The following ANTXRL variants were observed in gnomAD, a reference collection of about 807,000 sequenced individuals.
ANTXRL encodes the protein ANTXR like.
A neutral mutation model predicts 75.4 loss-of-function variants in ANTXRL; 63 were observed. That is an observed-to-expected ratio of 0.84 (90% CI 0.68 to 1.03). The LOEUF is 1.03. Ranked by LOEUF, ANTXRL falls within the 50% of genes least tolerant of loss-of-function variation. The pLI is 0.00. For synonymous variants in ANTXRL, 335 were observed against 291.3 expected (o/e 1.15, Z -1.53); for missense variants, 797 against 789.4 (o/e 1.01, Z -0.12).
chr10:46,310,472 G>GC lies in ANTXRL; in HGVS notation c.1148dup (p.Pro384ThrfsTer68). ...TTTGAACATTCTAGACTGTCAAGGA[G>GC]CCACCACCTGTGCAGAAGCCAGAAA... On this transcript the variant is annotated frameshift_variant, in exon 14 of 17. Transcript: ENST00000620264. LOFTEE classifies it high-confidence loss of function. The GC allele has an allele frequency of 6.5e-7, 1 of 1,536,354 alleles. No individual in the cohort carries two copies. Among genetic ancestry groups the GC allele is most frequent in the South Asian group, 1.2e-5 (1 of 84,042 alleles).
intron 9 of ANTXRL, among the ~76,000 whole-genome samples, chr10:46,302,271 A>G (rs564917191): frequency 2.6e-5 from 4 of 152,272 alleles, no homozygotes; most frequent in African/African-American, 9.6e-5. Context: ...TGAAGGAGGC[A>G]TCCAGGCCTG....
At chr10:46,306,024 C>T (rs1302402552) in intron 10 of ANTXRL, among the ~76,000 whole-genome samples, 1 of 152,104 alleles carries the variant, frequency 6.6e-6, no homozygotes, top group Admixed American at 6.5e-5. Flanking sequence ...AAAACCCCAA[C>T]CCCTTTCCAG....
intron 16 of ANTXRL, among the ~76,000 whole-genome samples, chr10:46,314,731 T>A (rs1416847917): frequency 1.3e-5 from 2 of 151,956 alleles, no homozygotes; most frequent in East Asian, 2.0e-4. Flanking sequence ...TCATGTGAAG[T>A]CCACCTTGCG....
rs190568406 is a variant in ANTXRL at position 46,313,249 on chromosome 10, C to A, written c.1343C>A (p.Thr448Asn). The A allele has an allele frequency of 5.2e-6, 8 of 1,535,324 alleles. No homozygotes were observed. The highest frequency in any genetic ancestry group is 4.4e-6 in the Non-Finnish European group (5 of 1,146,326). Residue 448 changes from threonine (T) to asparagine (N), a missense_variant, in exon 16 of 17, where the codon ACC (threonine) becomes AAC (asparagine). Physicochemically the swap from Thr to Asn is moderately conservative, Grantham distance 65 (BLOSUM62 0). Coordinates refer to ENST00000620264, the MANE Select transcript of ANTXRL (RefSeq NM_001278688.3). ...GMRRIEGNLD[T>N]FCDLSHASCH... ...GTTGCTTTTCAGGGCAATCTGGATA[C>A]CTTTTGTGACCTCTCTCACGCAAGC...
intron 11 of ANTXRL, 73 bp from the exon 12 acceptor site, chr10:46,307,329 A>G (rs1838154724): frequency 9.4e-7 from 1 of 1,064,646 alleles, no homozygotes; most frequent in East Asian, 2.6e-5. Context: ...ACCTCTCATT[A>G]CCCATGCTGT....
At chr10:46,314,851 G>A (rs1838635745) in intron 16 of ANTXRL, among the ~76,000 whole-genome samples, 4 of 152,094 alleles carry the variant, frequency 2.6e-5, no homozygotes, top group Admixed American at 2.0e-4. Context: ...CTGCCTCCAG[G>A]CTATCAGAAA....
intron 16 of ANTXRL, among the ~76,000 whole-genome samples, chr10:46,314,333 G>T (rs1479087038): frequency 1.3e-5 from 2 of 152,136 alleles, no homozygotes; most frequent in African/African-American, 4.8e-5. Flanking sequence ...AGCCATGCTT[G>T]CACAGAAGCC....
intron 2 of ANTXRL, among the ~76,000 whole-genome samples, chr10:46,293,423 T>C (rs1353630595): frequency 6.7e-6 from 1 of 149,508 alleles, no homozygotes; most frequent in Non-Finnish European, 1.5e-5. Flanking sequence ...TGTGTGGGTG[T>C]GTGCGTGTAT....
intron 9 of ANTXRL, among the ~76,000 whole-genome samples, chr10:46,301,455 G>A (rs1465700722): frequency 3.9e-5 from 6 of 152,196 alleles, no homozygotes; most frequent in African/African-American, 1.4e-4. Flanking sequence ...GACTACGAGA[G>A]CCAGGCTGGC....
At chr10:46,310,720 C>T (rs1196128799) in intron 14 of ANTXRL, among the ~76,000 whole-genome samples, 6 of 152,062 alleles carry the variant, frequency 3.9e-5, no homozygotes, top group African/African-American at 1.2e-4. Context: ...GTCACCAGTT[C>T]GCAGCCTGGG....
At position 46,287,159 on chromosome 10, in the gene ANTXRL, C is replaced by G; in HGVS notation, c.-104C>G. 7.0e-7 allele frequency: 1 copy of G among 1,422,562 alleles called. No individual in the cohort carries two copies. The allele number at this position is 1,422,562 out of a possible 1,614,324, so 88.1% of individuals were successfully genotyped here. On this transcript the variant is annotated 5_prime_UTR_variant, in exon 1 of 17. Coordinates refer to ENST00000620264, the MANE Select transcript of ANTXRL (RefSeq NM_001278688.3). ...GAAAGGGCAGGAGGAGGGGTGTGGC[C>G]CCGGGCATAAGGGGAGGCGGCAAAG...
chr10:46,299,409 C>T (rs182546491), intron 9 of ANTXRL, among the ~76,000 whole-genome samples: 14 of 152,272 alleles, frequency 9.2e-5, no homozygotes, highest in Admixed American at 7.8e-4. Context: ...TGGGTTGTGA[C>T]AGTCCTGTGT....
chr10:46,297,774 G>T (rs1837471282), intron 7 of ANTXRL, 57 bp from the exon 8 acceptor site: 1 of 1,429,542 alleles, frequency 7.0e-7, no homozygotes, highest in South Asian at 1.2e-5. Flanking sequence ...CTGGGCCGGG[G>T]GTCTGCTGCA....
At position 46,287,343 on chromosome 10, in the gene ANTXRL, A is replaced by G; in HGVS notation, c.81A>G (p.Ala27=). ...LLLLPPPLFR[A]GSLRYHGPDW... ...TGCTTCCTCCACCGCTTTTTAGAGC[A>G]GGAAGCCTTCGGTACCATGGACCTG... Residue 27 remains alanine (A), a synonymous_variant, in exon 1 of 17, where the codon GCA becomes GCG. Coordinates refer to ENST00000620264, the MANE Select transcript of ANTXRL (RefSeq NM_001278688.3). 6.5e-7 allele frequency: 1 copy of G among 1,536,004 alleles called. No homozygotes were observed. Among genetic ancestry groups the G allele is most frequent in the Middle Eastern group, 1.7e-4 (1 of 5,982 alleles).
At chr10:46,313,718 G>A (rs781893806) in intron 16 of ANTXRL, among the ~76,000 whole-genome samples, 20 of 152,114 alleles carry the variant, frequency 1.3e-4, no homozygotes, top group Non-Finnish European at 2.1e-4. Flanking sequence ...AGTAATGTAC[G>A]CAGTCCTCCC....
At chr10:46,298,200 T>C (rs1837505397) in intron 9 of ANTXRL, 138 bp downstream of exon 9, 1 of 823,634 alleles carries the variant, frequency 1.2e-6, no homozygotes, top group Non-Finnish European at 1.9e-6. Context: ...GTGTATGTGG[T>C]GTGTATGTGT....
chr10:46,310,921 A>G lies in ANTXRL; in HGVS notation c.1173+422A>G, dbSNP rs569507328. Among the ~76,000 whole-genome samples, 581 of 152,156 alleles carry G rather than the reference A, an allele frequency of 3.8e-3. 2 individuals are homozygous for G. The highest frequency in any genetic ancestry group is 0.014 in the African/African-American group (565 of 41,498). On this transcript the variant is annotated intron_variant, in intron 14 of 16. Transcript: ENST00000620264. Reference sequence around the variant, plus strand: ...CCTCTCTGGATCCATGTCTCCTGGCAGGGACGAGGGGCTGGCTGGGGTTAG... The same window carrying G: ...CCTCTCTGGATCCATGTCTCCTGGCGGGGACGAGGGGCTGGCTGGGGTTAG...
chr10:46,311,601 C>G lies in ANTXRL; in HGVS notation c.1265C>G (p.Thr422Ser), dbSNP rs377012247. 3 of 1,422,860 alleles carry G rather than the reference C, an allele frequency of 2.1e-6. No homozygotes were observed. Among genetic ancestry groups the G allele is most frequent in the Non-Finnish European group, 9.6e-7 (1 of 1,043,282 alleles). 88.1% of individuals were successfully genotyped at this position (1,422,860 alleles called of 1,614,324 possible). Residue 422 changes from threonine to serine, a missense_variant, in exon 15 of 17, where the codon ACC becomes AGC. By Grantham distance (58) the Thr-to-Ser change is moderately conservative. Coordinates refer to ENST00000620264, the MANE Select transcript of ANTXRL (RefSeq NM_001278688.3). ...LPPPPPAPVN[T>S]CPTVIICCCG... Reference sequence around the variant, plus strand: ...CCTCCGCCCCCAGCTCCTGTAAACACCTGCCCCACTGTGATTATTTGTTGC... The same window carrying G: ...CCTCCGCCCCCAGCTCCTGTAAACAGCTGCCCCACTGTGATTATTTGTTGC...
At chr10:46,325,113 T>A (rs1215890676) in intron 16 of ANTXRL, among the ~76,000 whole-genome samples, 1 of 142,046 alleles carries the variant, frequency 7.0e-6, no homozygotes, top group Non-Finnish European at 1.6e-5. Flanking sequence ...TACATCTTGT[T>A]TTTCTATGTT....
Sources: gnomAD v4.1 joint callset for allele counts (sites outside exome capture counted in the v4.1 genomes callset) on GRCh38, gnomAD v4.1.1 for gene constraint, MANE v1.5 for transcripts, NCBI Gene and HGNC (gene_info 2026-07-23, HGNC 2026-07-21) for gene names.